NRXN1: variants seen among roughly 807,000 people sequenced by gnomAD.
NRXN1 encodes the protein neurexin 1.
In NRXN1, 39 loss-of-function variants were observed where a neutral mutation model predicts 150.9. The observed-to-expected ratio is 0.26, with a 90% CI of 0.20 to 0.34. The LOEUF (loss-of-function observed/expected upper bound fraction) is 0.34, where lower values mean the gene tolerates loss of function less well. NRXN1 is among the 10% of genes least tolerant of loss of function. The pLI is 1.00. For missense variants in NRXN1, 1,815 were observed against 1,949.9 expected (o/e 0.93, Z 1.30); for synonymous variants, 924 against 757.0 (o/e 1.22, Z -3.62).
At chr2:50,496,153 A>C in intron 14 of NRXN1, 58 bp from the exon 15 acceptor site, 2 of 1,345,256 alleles carry the variant, frequency 1.5e-6, no homozygotes, top group Non-Finnish European at 2.1e-6. Flanking sequence ...TGATGAACCT[A>C]AAGTAGATAT....
intron 2 of NRXN1, among the ~76,000 whole-genome samples, chr2:50,990,457 G>C (rs925353588): frequency 6.6e-6 from 1 of 152,002 alleles, no homozygotes; most frequent in African/African-American, 2.4e-5. Context: ...ACTATGCATA[G>C]TTAACAGTTC....
At chr2:50,463,874 AGT>A (rs1472719345) in intron 17 of NRXN1, 2 of 151,710 alleles carry the variant, frequency 1.3e-5, no homozygotes, top group Non-Finnish European at 3.0e-5. Context: ...TACCACATGT[AGT>A]CATACATCTG....
rs903318212 is a variant in NRXN1, at chr2:50,553,855, T to G, written c.1321-830A>C. On this transcript the variant is annotated intron_variant, in intron 8 of 22. Coordinates refer to ENST00000401669, the MANE Select transcript of NRXN1 (RefSeq NM_001330078.2). ...GTCCTAAGGCTTTTTGGATTCCAAT[T>G]AACACATTTGATAATTCACTGACAG... Among the ~76,000 whole-genome samples the G allele has an allele frequency of 7.2e-5, 11 of 152,192 alleles. No homozygotes were observed. The East Asian group carries it at 7.7e-4, about 11-fold the overall frequency.
At chr2:50,634,210 C>G (rs562683656) in intron 5 of NRXN1, among the ~76,000 whole-genome samples, 3 of 152,102 alleles carry the variant, frequency 2.0e-5, no homozygotes, top group Non-Finnish European at 4.4e-5. Context: ...ATTTACATCT[C>G]AAAAATATAA....
intron 5 of NRXN1, among the ~76,000 whole-genome samples, chr2:50,910,343 T>C (rs1292200976): frequency 2.0e-5 from 3 of 152,042 alleles, no homozygotes; most frequent in African/African-American, 4.8e-5. Flanking sequence ...TTACACACTT[T>C]ACCGATATTC....
intron 5 of NRXN1, among the ~76,000 whole-genome samples, chr2:50,643,909 G>A (rs998182545): frequency 4.0e-5 from 6 of 151,712 alleles, no homozygotes; most frequent in African/African-American, 7.2e-5. Context: ...AGTTTGTCAA[G>A]TCCCTAACCT....
At chr2:50,673,185 G>A (rs1322555412) in intron 5 of NRXN1, among the ~76,000 whole-genome samples, 1 of 151,980 alleles carries the variant, frequency 6.6e-6, no homozygotes, top group Non-Finnish European at 1.5e-5. Flanking sequence ...GGATATATGT[G>A]TAAAAATGTA....
chr2:50,753,575 G>C (rs1358973732), intron 5 of NRXN1, among the ~76,000 whole-genome samples: 1 of 151,716 alleles, frequency 6.6e-6, no homozygotes. Context: ...ACATGACACA[G>C]TATTATTATT....
chr2:50,463,587 A>T (rs1267561266), intron 17 of NRXN1, among the ~76,000 whole-genome samples: 2 of 151,828 alleles, frequency 1.3e-5, no homozygotes, highest in Non-Finnish European at 1.5e-5. Context: ...CACCAGTACT[A>T]TCACCCAAGA....
chr2:50,528,408 C>A (rs2093013741), intron 12 of NRXN1, among the ~76,000 whole-genome samples: 3 of 152,054 alleles, frequency 2.0e-5, no homozygotes, highest in Non-Finnish European at 4.4e-5. Flanking sequence ...CTTGTCACCT[C>A]TTTTTCCATA....
intron 5 of NRXN1, among the ~76,000 whole-genome samples, chr2:50,761,302 T>A (rs1177793624): frequency 1.3e-5 from 2 of 151,924 alleles, no homozygotes; most frequent in African/African-American, 4.8e-5. Flanking sequence ...CCCATAATCC[T>A]CATGAGTGGT....
intron 18 of NRXN1, among the ~76,000 whole-genome samples, chr2:50,111,858 T>C (rs1339623512): frequency 1.3e-5 from 2 of 152,170 alleles, no homozygotes; most frequent in Non-Finnish European, 2.9e-5. Flanking sequence ...CTTTCAGCTA[T>C]CTAGTTTGTT....
chr2:50,857,928 G>A (rs1050018704), intron 5 of NRXN1, among the ~76,000 whole-genome samples: 1 of 152,040 alleles, frequency 6.6e-6, no homozygotes, highest in African/African-American at 2.4e-5. Context: ...ATACAATGAT[G>A]CAATCCAATG....
rs2082184243 is a variant in NRXN1, at chr2:50,398,460, A to G, written c.3364+66982T>C. Among the ~76,000 whole-genome samples the G allele has an allele frequency of 2.0e-5, 3 of 152,076 alleles. No individual in the cohort carries two copies. In the South Asian group the frequency reaches 6.2e-4, roughly 31 times the overall value. ...GAAAAGAAAACTGAAAATAGAGTGA[A>G]CAAGGTTATTATGTTAGGCAGAGAA... On this transcript the variant is annotated intron_variant, in intron 17 of 22. Coordinates refer to ENST00000401669, the MANE Select transcript of NRXN1 (RefSeq NM_001330078.2).
At chr2:49,962,909 T>C (rs1032572666) in intron 21 of NRXN1, among the ~76,000 whole-genome samples, 1 of 151,912 alleles carries the variant, frequency 6.6e-6, no homozygotes, top group Non-Finnish European at 1.5e-5. Context: ...GCTATGATCA[T>C]GCAACTGCAC....
chr2:50,567,571 G>C (rs1670060453), intron 8 of NRXN1, among the ~76,000 whole-genome samples: 1 of 127,892 alleles, frequency 7.8e-6, no homozygotes, highest in Non-Finnish European at 1.6e-5. Context: ...TTTAAATAAA[G>C]ATATAGAATC....
At chr2:50,985,642 T>C (rs1697573272) in intron 2 of NRXN1, among the ~76,000 whole-genome samples, 1 of 151,506 alleles carries the variant, frequency 6.6e-6, no homozygotes, top group African/African-American at 2.4e-5. Flanking sequence ...TAATGGAGAA[T>C]GAGAAATAGT....
chr2:50,547,683 T>C (rs1463818980), intron 9 of NRXN1, among the ~76,000 whole-genome samples: 1 of 152,124 alleles, frequency 6.6e-6, no homozygotes, highest in South Asian at 2.1e-4. Context: ...TCCACAGAGG[T>C]TATTTACATT....
chr2:49,926,775 CT>C (rs760711695), intron 22 of NRXN1, among the ~76,000 whole-genome samples: 2 of 152,118 alleles, frequency 1.3e-5, no homozygotes, highest in Non-Finnish European at 2.9e-5. Flanking sequence ...GATACAGTAT[CT>C]GTGAAAGAAC....
Sources: gnomAD v4.1 joint callset for allele counts (sites outside exome capture counted in the v4.1 genomes callset) on GRCh38, gnomAD v4.1.1 for gene constraint, MANE v1.5 for transcripts, NCBI Gene and HGNC (gene_info 2026-07-23, HGNC 2026-07-21) for gene names.